The following DNAJC1 variants were observed in gnomAD, a reference collection of about 807,000 sequenced individuals.
The protein encoded by DNAJC1 is dnaJ homolog subfamily C member 1.
Under a neutral mutation model 76.6 loss-of-function variants are expected in DNAJC1, and 58 were observed. The ratio of observed to expected loss-of-function variants is 0.76; its 90% CI spans 0.61 to 0.94. The LOEUF (loss-of-function observed/expected upper bound fraction) is 0.94. Among genes scored for constraint, DNAJC1 ranks in the 40% least tolerant of loss-of-function variants. The pLI, the probability that DNAJC1 is intolerant of heterozygous loss-of-function variation, is 0.00. For missense variants in DNAJC1, 689 were observed against 677.3 expected (o/e 1.02, Z -0.19); for synonymous variants, 258 against 267.9 (o/e 0.96, Z 0.36).
intron 9 of DNAJC1, among the ~76,000 whole-genome samples, chr10:21,795,825 A>AT (rs545945898): frequency 9.2e-4 from 140 of 152,068 alleles, no homozygotes; most frequent in African/African-American, 3.2e-3. Flanking sequence ...CCACCATTCT[A>AT]TTTTTTGCTT....
chr10:21,849,606 C>G (rs908067464), intron 8 of DNAJC1, among the ~76,000 whole-genome samples: 3 of 151,976 alleles, frequency 2.0e-5, no homozygotes, highest in African/African-American at 7.3e-5. Context: ...CATTTGCTAA[C>G]ACATTTTATG....
intron 11 of DNAJC1, among the ~76,000 whole-genome samples, chr10:21,758,681 G>A (rs551377925): frequency 2.0e-5 from 3 of 152,368 alleles, no homozygotes; most frequent in East Asian, 1.9e-4. Context: ...TGGCAGAATC[G>A]AAGATGATCA....
intron 8 of DNAJC1, among the ~76,000 whole-genome samples, chr10:21,834,115 T>A (rs1490389951): frequency 6.6e-6 from 1 of 151,858 alleles, no homozygotes; most frequent in Non-Finnish European, 1.5e-5. Context: ...ATACAAAAAA[T>A]TAACCGGGCA....
intron 8 of DNAJC1, among the ~76,000 whole-genome samples, chr10:21,833,633 A>G (rs895545287): frequency 6.6e-6 from 1 of 152,214 alleles, no homozygotes; most frequent in Non-Finnish European, 1.5e-5. Flanking sequence ...AATAGCATCT[A>G]CCAAATGGAG....
chr10:21,780,253 A>G (rs575731928), intron 9 of DNAJC1, among the ~76,000 whole-genome samples: 1 of 152,304 alleles, frequency 6.6e-6, no homozygotes, highest in East Asian at 1.9e-4. Flanking sequence ...AACACCACAA[A>G]GATACTCCTT....
chr10:21,884,251 G>T (rs961265992), intron 7 of DNAJC1, among the ~76,000 whole-genome samples: 1 of 152,084 alleles, frequency 6.6e-6, no homozygotes, highest in African/African-American at 2.4e-5. Context: ...GAAAAATATA[G>T]GCAAAAGGTC....
intron 7 of DNAJC1, among the ~76,000 whole-genome samples, chr10:21,894,737 G>A (rs942176909): frequency 3.3e-5 from 5 of 152,218 alleles, no homozygotes; most frequent in East Asian, 1.9e-4. Flanking sequence ...CTGCACAGAG[G>A]TGGAGCCTTT....
intron 6 of DNAJC1, among the ~76,000 whole-genome samples, chr10:21,908,241 A>G (rs964970290): frequency 2.7e-5 from 1 of 37,544 alleles, no homozygotes; most frequent in Non-Finnish European, 3.9e-5. Context: ...TAAAATATAT[A>G]TAATATAGAG....
chr10:21,998,452 C>T (rs986404544), intron 1 of DNAJC1, among the ~76,000 whole-genome samples: 1 of 150,226 alleles, frequency 6.7e-6, no homozygotes, highest in African/African-American at 2.4e-5. Flanking sequence ...GTACAGGTGT[C>T]TGAGAAGCAG....
chr10:21,786,223 G>A (rs2131631032), intron 9 of DNAJC1, among the ~76,000 whole-genome samples: 1 of 151,942 alleles, frequency 6.6e-6, no homozygotes, highest in Middle Eastern at 3.4e-3. Context: ...AAGAGGCAGA[G>A]AGGTCCATCT....
intron 8 of DNAJC1, among the ~76,000 whole-genome samples, chr10:21,817,362 A>G: frequency 6.6e-6 from 1 of 152,062 alleles, no homozygotes. Flanking sequence ...CTTTGTCCTT[A>G]AATATACTAC....
intron 9 of DNAJC1, among the ~76,000 whole-genome samples, chr10:21,794,701 GA>G (rs1834733521): frequency 6.6e-6 from 1 of 151,834 alleles, no homozygotes; most frequent in African/African-American, 2.4e-5. Context: ...ATCTATAAAA[GA>G]AAAAAATTGA....
At chr10:21,856,741 A>AT (rs34547710) in intron 8 of DNAJC1, among the ~76,000 whole-genome samples, 59 of 149,140 alleles carry the variant, frequency 4.0e-4, no homozygotes, top group South Asian at 2.6e-3. Context: ...AGAAAAAAAA[A>AT]TTTTTTTTTT....
At chr10:21,918,728 G>A in intron 6 of DNAJC1, 51 bp downstream of exon 6, 16 of 1,350,990 alleles carry the variant, frequency 1.2e-5, no homozygotes, top group East Asian at 2.3e-5. Flanking sequence ...ATTATTTCAT[G>A]AGTGATTAAA....
At chr10:21,915,826 C>A (rs1388370598) in intron 6 of DNAJC1, among the ~76,000 whole-genome samples, 1 of 150,720 alleles carries the variant, frequency 6.6e-6, no homozygotes. Context: ...AATGTCCCAC[C>A]TAGGGTACCC....
intron 1 of DNAJC1, among the ~76,000 whole-genome samples, chr10:21,975,975 G>A (rs765030880): frequency 1.5e-4 from 23 of 152,266 alleles, no homozygotes; most frequent in Non-Finnish European, 2.9e-4. Context: ...TAGGGAAAGA[G>A]TAACATATTT....
chr10:21,877,116 A>G (rs1371076808), intron 8 of DNAJC1, among the ~76,000 whole-genome samples: 1 of 152,024 alleles, frequency 6.6e-6, no homozygotes, highest in East Asian at 1.9e-4. Flanking sequence ...TCTAGAAAAC[A>G]TTTAAAAATT....
At chr10:21,933,124 TGATTATCAAAAAGCTTGGGGA>T (rs1167494959) in intron 1 of DNAJC1, 2 of 152,188 alleles carry the variant, frequency 1.3e-5, no homozygotes, top group Non-Finnish European at 2.9e-5. Flanking sequence ...TAAGGTTAAT[TGATTATCAAAAAGCTTGGGGA>T]TGTGAGGGGG....
intron 8 of DNAJC1, among the ~76,000 whole-genome samples, chr10:21,879,573 G>A (rs11012813): frequency 1.3e-5 from 2 of 152,096 alleles, no homozygotes; most frequent in Admixed American, 6.5e-5. Context: ...GCAGTGAGCC[G>A]AGATCATGCC....
Sources: allele counts gnomAD v4.1 joint callset (sites outside exome capture counted in the v4.1 genomes callset), GRCh38; gene constraint gnomAD v4.1.1; transcripts MANE v1.5; gene names NCBI Gene and HGNC (gene_info 2026-07-23, HGNC 2026-07-21).